The following SLC25A23 variants were observed in gnomAD, a reference collection of about 807,000 sequenced individuals.
SLC25A23 encodes the protein solute carrier family 25 member 23, also known as mitochondrial adenyl nucleotide antiporter SLC25A23.
Under a neutral mutation model 53.9 loss-of-function variants are expected in SLC25A23, and 32 were observed. The observed-to-expected ratio is 0.59, with a 90% confidence interval of 0.45 to 0.80. The LOEUF (loss-of-function observed/expected upper bound fraction) is 0.80. Ranked by LOEUF, SLC25A23 falls within the 30% of genes least tolerant of loss-of-function variation. SLC25A23 has a pLI of 0.00. For synonymous variants in SLC25A23, 275 were observed against 264.5 expected (o/e 1.04, Z -0.38); for missense variants, 575 against 651.4 (o/e 0.88, Z 1.28).
chr19:6,436,567 G>A, downstream of SLC25A23: 1 of 402,400 alleles, frequency 2.5e-6, no homozygotes, highest in South Asian at 1.7e-5. Flanking sequence ...TTTTTTCTTT[G>A]AGACATAGTT....
chr19:6,436,710 C>A (rs1019163841), downstream of SLC25A23, among the ~76,000 whole-genome samples: 9 of 151,930 alleles, frequency 5.9e-5, no homozygotes, highest in African/African-American at 2.2e-4. Flanking sequence ...CCACCACGTC[C>A]GGCTAATTTT....
In SLC25A23 at chr19:6,448,627, C is replaced by T. The variant is rs375845325; in HGVS notation, c.1071+3685G>A. Among the ~76,000 whole-genome samples, 25 of 151,952 alleles carry T rather than the reference C, an allele frequency of 1.6e-4. No homozygotes were observed. The South Asian group carries it at 1.7e-3, about 10-fold the overall frequency. On this transcript the variant is annotated intron_variant, in intron 8 of 9. Coordinates refer to ENST00000301454, the MANE Select transcript of SLC25A23 (RefSeq NM_024103.3). The stretch of plus-strand genomic sequence containing the variant: ...CTGGGATTACAGGTGCCCACCACCA[C>T]GCCCAGCTATTTTTTGTATTTTTAG...
In SLC25A23 at chr19:6,459,697, C is replaced by A. The variant is rs933988593; in HGVS notation, c.-69G>T. On this transcript the variant is annotated 5_prime_UTR_variant, in exon 1 of 10. Coordinates refer to ENST00000301454, the MANE Select transcript of SLC25A23 (RefSeq NM_024103.3). This position sits in a 1 kb window ranked among gnomAD's most constrained non-coding sequence, Gnocchi z 4.6. ...CAGTGGGGGCTTCGCGGCTCCCCCT[C>A]CCCCCCCGGGACCCCGCAGGGTCAG... 9 of 1,135,540 alleles carry A rather than the reference C, an allele frequency of 7.9e-6. No homozygotes were observed. The highest frequency in any genetic ancestry group is 3.6e-5 in the South Asian group (1 of 27,734). The allele number at this position is 1,135,540 out of a possible 1,614,324, so 70.3% of individuals were successfully genotyped here.
Position 6,457,495 on chromosome 19 carries a change from C to G in SLC25A23, c.371+8G>C. ...GTTACTTTGGATTCCAGACCCCCAG[C>G]GACTCACCTGTGCAAAATTTTCTCA... On this transcript the variant is annotated splice_region_variant and intron_variant, in intron 3 of 9. Transcript: ENST00000301454. 2 of 1,613,474 alleles carry G rather than the reference C, an allele frequency of 1.2e-6. No individual in the cohort carries two copies. Among genetic ancestry groups the G allele is most frequent in the Non-Finnish European group, 8.5e-7 (1 of 1,179,568 alleles).
intron 8 of SLC25A23, among the ~76,000 whole-genome samples, chr19:6,445,367 C>A (rs2092488001): frequency 6.6e-6 from 1 of 152,040 alleles, no homozygotes; most frequent in African/African-American, 2.4e-5. Flanking sequence ...CCTCGGTCTC[C>A]CAAAGTGCTG....
In SLC25A23 at chr19:6,440,869, G is replaced by T. The variant is rs2092411261; in HGVS notation, c.*1106C>A. 6.6e-6 allele frequency: 1 copy of T among 152,224 alleles called. No homozygotes were observed. Among genetic ancestry groups the T allele is most frequent in the South Asian group, 2.1e-4 (1 of 4,834 alleles). The allele number at this position is 152,224 out of a possible 1,614,324, so 9.4% of individuals were successfully genotyped here. A position where few individuals can be genotyped will look rare whatever the true frequency, so the allele number is the denominator to read the frequency against. On this transcript the variant is annotated 3_prime_UTR_variant, in exon 10 of 10. Coordinates refer to ENST00000301454, the MANE Select transcript of SLC25A23 (RefSeq NM_024103.3). ...CTAGACTTGGGGCCTGAACATTTGG[G>T]ACCCGGCGCCTGGAAGATTCAGATC...
intron 7 of SLC25A23, among the ~76,000 whole-genome samples, chr19:6,453,044 G>A (rs1294414157): frequency 6.6e-6 from 1 of 152,180 alleles, no homozygotes; most frequent in East Asian, 1.9e-4. Flanking sequence ...TTAGAGGTGG[G>A]GAGGTGTTTC....
chr19:6,445,309 A>G (rs927969570), intron 8 of SLC25A23, among the ~76,000 whole-genome samples: 1 of 151,570 alleles, frequency 6.6e-6, no homozygotes, highest in Non-Finnish European at 1.5e-5. Flanking sequence ...GGGTTTCACC[A>G]TGTTGGCCAG....
intron 4 of SLC25A23, among the ~76,000 whole-genome samples, chr19:6,455,002 C>T (rs531541951): frequency 6.6e-6 from 1 of 152,176 alleles, no homozygotes; most frequent in Non-Finnish European, 1.5e-5. Context: ...ATAAAGATCC[C>T]TCCAGGCTAG....
intron 9 of SLC25A23, chr19:6,443,451 C>A (rs1475075374): frequency 8.7e-6 from 5 of 577,772 alleles, no homozygotes; most frequent in Non-Finnish European, 1.5e-5. Context: ...TGGTCTCAAA[C>A]TCCTGGACTC....
At chr19:6,453,125 G>C (rs2092617555) in intron 7 of SLC25A23, among the ~76,000 whole-genome samples, 1 of 152,048 alleles carries the variant, frequency 6.6e-6, no homozygotes, top group Non-Finnish European at 1.5e-5. Flanking sequence ...AGCCACATTG[G>C]TCCATGAGGT....
downstream of SLC25A23, chr19:6,436,398 A>G (rs1425580909): frequency 4.4e-6 from 2 of 455,872 alleles, no homozygotes; most frequent in Admixed American, 2.4e-5. Flanking sequence ...GCTCAGTTAC[A>G]TGGCTATTGG....
chr19:6,454,146 T>C lies in SLC25A23; in HGVS notation c.796-58A>G, dbSNP rs773063787. Reference sequence around the variant, plus strand: ...CATGGGGGTTGAACCTTCCTTGCACTCCACTGTTCTCCTGGCTTCCAAAGA... The same window carrying C: ...CATGGGGGTTGAACCTTCCTTGCACCCCACTGTTCTCCTGGCTTCCAAAGA... On this transcript the variant is annotated intron_variant, in intron 6 of 9. Coordinates refer to ENST00000301454, the MANE Select transcript of SLC25A23 (RefSeq NM_024103.3). The surrounding 1 kb of genome is among the most constrained non-coding windows in gnomAD (Gnocchi z 4.3). The C allele has an allele frequency of 1.1e-4, 175 of 1,541,442 alleles. No homozygotes were observed. Among genetic ancestry groups the C allele is most frequent in the Non-Finnish European group, 1.4e-4 (164 of 1,132,478 alleles).
chr19:6,437,818 A>C (rs2092348825), downstream of SLC25A23, among the ~76,000 whole-genome samples: 1 of 149,318 alleles, frequency 6.7e-6, no homozygotes, highest in Non-Finnish European at 1.5e-5. Context: ...CAGAAAAAAA[A>C]AAAGGCCGGG....
intron 9 of SLC25A23, among the ~76,000 whole-genome samples, chr19:6,443,331 C>T (rs2092451790): frequency 6.6e-6 from 1 of 152,158 alleles, no homozygotes; most frequent in Admixed American, 6.6e-5. Context: ...AAGTGATCCT[C>T]CGGCCTCAGC....
chr19:6,459,729 C>A lies in SLC25A23; in HGVS notation c.-101G>T. Reference sequence around the variant, plus strand: ...CGGGACCCCGCAGGGTCAGCTCCCGCGGCCGCCGGCTCCGCAGCCTCCGCG... The same window carrying A: ...CGGGACCCCGCAGGGTCAGCTCCCGAGGCCGCCGGCTCCGCAGCCTCCGCG... On this transcript the variant is annotated 5_prime_UTR_variant, in exon 1 of 10. Transcript: ENST00000301454. This position sits in a 1 kb window ranked among gnomAD's most constrained non-coding sequence, Gnocchi z 4.6. The A allele has an allele frequency of 9.8e-7, 1 of 1,016,924 alleles. No homozygotes were observed. The highest frequency in any genetic ancestry group is 1.2e-6 in the Non-Finnish European group (1 of 801,572). The allele number at this position is 1,016,924 out of a possible 1,614,324, so 63.0% of individuals were successfully genotyped here. A position where few individuals can be genotyped will look rare whatever the true frequency, so the allele number is the denominator to read the frequency against.
downstream of SLC25A23, among the ~76,000 whole-genome samples, chr19:6,437,516 A>G (rs1466831152): frequency 1.3e-5 from 2 of 152,186 alleles, no homozygotes; most frequent in Non-Finnish European, 2.9e-5. Flanking sequence ...TGTCCTTACA[A>G]GACATGGAAT....
At chr19:6,456,278 C>T (rs2092681118) in intron 4 of SLC25A23, 142 bp downstream of exon 4, 2 of 948,914 alleles carry the variant, frequency 2.1e-6, no homozygotes, top group South Asian at 1.6e-5. Context: ...GAGGAACAGA[C>T]CCTCATCCGT....
chr19:6,441,912 T>C lies in SLC25A23; in HGVS notation c.*63A>G, dbSNP rs1461746306. The C allele has an allele frequency of 2.1e-5, 31 of 1,494,166 alleles. No homozygotes were observed. The highest frequency in any genetic ancestry group is 1.0e-5 in the Non-Finnish European group (11 of 1,082,664). The allele number at this position is 1,494,166 out of a possible 1,614,324, so 92.6% of individuals were successfully genotyped here. On this transcript the variant is annotated 3_prime_UTR_variant, in exon 10 of 10. Transcript: ENST00000301454. ...AAAGAGTAGGGATCCTGTGGTTGGA[T>C]CATCAGTCTCCAGTGGCTGAGGTGT...
Sources: allele counts gnomAD v4.1 joint callset (sites outside exome capture counted in the v4.1 genomes callset), GRCh38; gene constraint gnomAD v4.1.1; non-coding constraint Gnocchi (gnomAD v3.1); transcripts MANE v1.5; gene names NCBI Gene and HGNC (gene_info 2026-07-23, HGNC 2026-07-21).